Variants in MBD3 observed in about 807,000 individuals in gnomAD.
The protein encoded by MBD3 is methyl-CpG binding domain protein 3.
MBD3 carries 13 observed loss-of-function variants against 31.2 expected under a neutral mutation model. That is an observed-to-expected ratio of 0.42 (90% CI 0.27 to 0.66). The LOEUF (loss-of-function observed/expected upper bound fraction) is 0.66, where lower values mean the gene tolerates loss of function less well. MBD3 is among the 30% of genes least tolerant of loss of function. MBD3 has a pLI of 0.26. For missense variants in MBD3, 440 were observed against 426.5 expected (o/e 1.03, Z -0.28); for synonymous variants, 223 against 187.4 (o/e 1.19, Z -1.55).
At chr19:1,589,096 C>A (rs756555556) in intron 1 of MBD3, among the ~76,000 whole-genome samples, 22 of 152,120 alleles carry the variant, frequency 1.4e-4, no homozygotes, top group Admixed American at 6.5e-4. Context: ...CTTTGGGAAG[C>A]AAAGGAGGGC....
rs186862627 is a variant in MBD3 at position 1,579,306 on chromosome 19, T to C, written c.678-768A>G. Among the ~76,000 whole-genome samples the C allele has an allele frequency of 6.8e-4, 102 of 151,060 alleles. 1 individual carries two copies. The highest frequency in any genetic ancestry group is 2.2e-3 in the Admixed American group (34 of 15,160). On this transcript the variant is annotated intron_variant, in intron 5 of 6. Transcript: ENST00000434436. ...CCGCTGCCCACTATGCACCAGCGTGTACTCCTTTACCATGGCTCGGGCGGC... is the reference window on the plus strand; with the variant it reads ...CCGCTGCCCACTATGCACCAGCGTGCACTCCTTTACCATGGCTCGGGCGGC...
rs1434643630 is a variant in MBD3 at position 1,576,199 on chromosome 19, T to C, written c.*1965A>G. On this transcript the variant is annotated 3_prime_UTR_variant, in exon 7 of 7. Coordinates refer to ENST00000434436, the MANE Select transcript of MBD3 (RefSeq NM_001281453.2). ...AGAGTGTCTCTGAGTGCCGGGCAGA[T>C]GAGGGGAGGGTGGCCTCCCAGCCTT... The C allele has an allele frequency of 2.0e-5, 3 of 152,430 alleles. No individual in the cohort carries two copies. Among genetic ancestry groups the C allele is most frequent in the Non-Finnish European group, 1.5e-5 (1 of 68,300 alleles). 9.4% of individuals were successfully genotyped at this position (152,430 alleles called of 1,614,324 possible). A position where few individuals can be genotyped will look rare whatever the true frequency, so the allele number is the denominator to read the frequency against.
In MBD3 at chr19:1,583,554, A is replaced by G. The variant is rs562750156; in HGVS notation, c.409-842T>C. ...AGACTGAAAATATTTGGGGGGAAAA[A>G]AAATAAATAAATACAACAACTGGCC... On this transcript the variant is annotated intron_variant, in intron 3 of 6. Coordinates refer to ENST00000434436, the MANE Select transcript of MBD3 (RefSeq NM_001281453.2). Among the ~76,000 whole-genome samples the G allele has an allele frequency of 5.9e-5, 9 of 152,134 alleles. No homozygotes were observed. The South Asian group carries it at 1.9e-3, about 32-fold the overall frequency.
intron 5 of MBD3, among the ~76,000 whole-genome samples, chr19:1,580,174 C>T (rs1297745074): frequency 4.6e-5 from 7 of 152,240 alleles, no homozygotes; most frequent in Admixed American, 4.6e-4. Flanking sequence ...GGGAAGTTCT[C>T]TGAGCGCGCA....
intron 3 of MBD3, among the ~76,000 whole-genome samples, chr19:1,584,233 C>T (rs1234736602): frequency 6.6e-6 from 1 of 150,448 alleles, no homozygotes; most frequent in Non-Finnish European, 1.5e-5. Context: ...AAGAGGGGAC[C>T]GCAGGACTGG....
chr19:1,575,948 G>C lies in MBD3; in HGVS notation c.*2216C>G, dbSNP rs1380371411. ...CCCCGGGATCAGAGGGACTGATCGG[G>C]GTCTGTCAGTGACAGGAAGCTGGGC... On this transcript the variant is annotated 3_prime_UTR_variant, in exon 7 of 7. Transcript: ENST00000434436. 6.6e-6 allele frequency: 1 copy of C among 152,368 alleles called. No homozygotes were observed. Among genetic ancestry groups the C allele is most frequent in the African/African-American group, 2.4e-5 (1 of 41,442 alleles). 9.4% of individuals were successfully genotyped at this position (152,368 alleles called of 1,614,324 possible).
chr19:1,577,933 G>A lies in MBD3; in HGVS notation c.*231C>T, dbSNP rs185110286. 4.8e-3 allele frequency: 1,307 copies of A among 273,598 alleles called. 21 individuals are homozygous for A. The highest frequency in any genetic ancestry group is 0.028 in the African/African-American group (1,259 of 45,444). The allele number at this position is 273,598 out of a possible 1,614,324, so 16.9% of individuals were successfully genotyped here. A position where few individuals can be genotyped will look rare whatever the true frequency, so the allele number is the denominator to read the frequency against. ...GGAGCACCCGGCACTTCCCGAAGCC[G>A]GACTCTGTAGAGGACGAGCGTGGAG... On this transcript the variant is annotated 3_prime_UTR_variant, in exon 7 of 7. Transcript: ENST00000434436.
At chr19:1,586,590 C>A (rs926099616) in intron 1 of MBD3, among the ~76,000 whole-genome samples, 1 of 151,902 alleles carries the variant, frequency 6.6e-6, no homozygotes. Context: ...CTCACTGCAA[C>A]CTTGAACTCC....
In MBD3 at chr19:1,585,307, C is replaced by T. The variant is rs2060674064; in HGVS notation, c.111-93G>A. On this transcript the variant is annotated intron_variant, in intron 1 of 6. Transcript: ENST00000434436. This position sits in a 1 kb window ranked among gnomAD's most constrained non-coding sequence, Gnocchi z 4.1. ...GACCCAAACCCAGTCCCAGCCCCAG[C>T]TTCAGGTCGCGACCCCAGCCCCAGA... is the stretch of plus-strand genomic sequence containing the variant. 3 of 1,417,932 alleles carry T rather than the reference C, an allele frequency of 2.1e-6. No individual in the cohort carries two copies. In the Admixed American group the frequency reaches 6.2e-5, roughly 29 times the overall value. The allele number at this position is 1,417,932 out of a possible 1,614,324, so 87.8% of individuals were successfully genotyped here.
At chr19:1,591,285 T>C (rs1398827082) in intron 1 of MBD3, among the ~76,000 whole-genome samples, 2 of 152,166 alleles carry the variant, frequency 1.3e-5, no homozygotes, top group African/African-American at 4.8e-5. Context: ...TCTCTTGCTG[T>C]CCTCCAACTT....
At chr19:1,590,795 C>T (rs2060700093) in intron 1 of MBD3, among the ~76,000 whole-genome samples, 1 of 152,196 alleles carries the variant, frequency 6.6e-6, no homozygotes, top group Admixed American at 6.5e-5. Context: ...TCTCCCCAGG[C>T]ACCCCCAACA....
At position 1,577,209 on chromosome 19, in the gene MBD3, G is replaced by A. The variant is rs1053151; in HGVS notation, c.*955C>T. On this transcript the variant is annotated 3_prime_UTR_variant, in exon 7 of 7. Coordinates refer to ENST00000434436, the MANE Select transcript of MBD3 (RefSeq NM_001281453.2). ...CAGGGACTGGCCGCAGAGTCCACTC[G>A]GGGCAGGCGTCTGTGGCTTGGAACC... 75,742 of 152,342 alleles carry A rather than the reference G, an allele frequency of 0.5. 20,422 individuals carry two copies. Among genetic ancestry groups the A allele is most frequent in the African/African-American group, 0.71 (29,477 of 41,548 alleles). The allele number at this position is 152,342 out of a possible 1,614,324, so 9.4% of individuals were successfully genotyped here.
rs866830739 is a variant in MBD3, at chr19:1,588,802, G to A, written c.111-3588C>T. Among the ~76,000 whole-genome samples the A allele has an allele frequency of 3.7e-3, 455 of 121,860 alleles. 3 individuals are homozygous for A. Among genetic ancestry groups the A allele is most frequent in the African/African-American group, 0.013 (420 of 32,260 alleles). 79.9% of individuals were successfully genotyped at this position (121,860 alleles called of 152,430 possible). A position where few individuals can be genotyped will look rare whatever the true frequency, so the allele number is the denominator to read the frequency against. On this transcript the variant is annotated intron_variant, in intron 1 of 6. Transcript: ENST00000434436. Reference sequence around the variant, plus strand: ...TCCAAAAAAAAAAAAAAAAAAAAAAGGTGTAAGGCGAACAAGAGACACACA... The same window carrying A: ...TCCAAAAAAAAAAAAAAAAAAAAAAAGTGTAAGGCGAACAAGAGACACACA...
At chr19:1,579,094 G>A (rs947346946) in intron 5 of MBD3, among the ~76,000 whole-genome samples, 13 of 141,708 alleles carry the variant, frequency 9.2e-5, no homozygotes, top group Admixed American at 7.1e-4. Flanking sequence ...TGAGGCAGGA[G>A]AATCACTTGA....
intron 1 of MBD3, among the ~76,000 whole-genome samples, chr19:1,591,482 C>T (rs2060703308): frequency 6.6e-6 from 1 of 152,042 alleles, no homozygotes; most frequent in Non-Finnish European, 1.5e-5. Context: ...CTCGTGGAAA[C>T]CACCCGCCCT....
In MBD3 at chr19:1,584,539, C is replaced by A; in HGVS notation, c.408+1G>T. 1 of 1,613,192 alleles carries A rather than the reference C, an allele frequency of 6.2e-7. No homozygotes were observed. The highest frequency in any genetic ancestry group is 8.5e-7 in the Non-Finnish European group (1 of 1,179,816). The stretch of plus-strand genomic sequence containing the variant: ...CTGGGGTCGCTGTGCGTTGAGCTCA[C>A]CTGGCGCGGCTGGTCCACCGCCTTC... On this transcript the variant is annotated splice_donor_variant, in intron 3 of 6. Transcript: ENST00000434436. LOFTEE classifies it high-confidence loss of function.
Position 1,585,121 on chromosome 19 carries a change from C to T in MBD3, c.204G>A (p.Lys68=). 6.2e-7 allele frequency: 1 copy of T among 1,612,484 alleles called. No individual in the cohort carries two copies. Among genetic ancestry groups the T allele is most frequent in the Non-Finnish European group, 8.5e-7 (1 of 1,179,508 alleles). ...DLSTFDFRTG[K]MLMSKMNKSR... ...TCTTGTTCATCTTGCTCATCAGCATCTTGCCCGTGCGGAAGTCGAAGGTGC... is the reference window on the plus strand; with the variant it reads ...TCTTGTTCATCTTGCTCATCAGCATTTTGCCCGTGCGGAAGTCGAAGGTGC... Residue 68 remains lysine, a synonymous_variant, in exon 2 of 7, where the codon AAG becomes AAA. Transcript: ENST00000434436. The surrounding 1 kb of genome is among the most constrained non-coding windows in gnomAD (Gnocchi z 4.1).
rs2060676056 is a variant in MBD3, at chr19:1,585,692, A to G, written c.111-478T>C. 6.6e-6 allele frequency among the ~76,000 whole-genome samples: 1 copy of G among 152,212 alleles called. No individual in the cohort carries two copies. Among genetic ancestry groups the G allele is most frequent in the South Asian group, 2.1e-4 (1 of 4,832 alleles). ...CTCACATGTCCAGAACATTCCAGAC[A>G]TGGAATTTAGGTCACATTCTTGAGA... On this transcript the variant is annotated intron_variant, in intron 1 of 6. Coordinates refer to ENST00000434436, the MANE Select transcript of MBD3 (RefSeq NM_001281453.2). The surrounding 1 kb of genome is among the most constrained non-coding windows in gnomAD (Gnocchi z 4.1).
chr19:1,576,454 T>A lies in MBD3; in HGVS notation c.*1710A>T, dbSNP rs770391776. 1 of 152,254 alleles carries A rather than the reference T, an allele frequency of 6.6e-6. No individual in the cohort carries two copies. Among genetic ancestry groups the A allele is most frequent in the Non-Finnish European group, 1.5e-5 (1 of 68,108 alleles). 9.4% of individuals were successfully genotyped at this position (152,254 alleles called of 1,614,324 possible). A position where few individuals can be genotyped will look rare whatever the true frequency, so the allele number is the denominator to read the frequency against. Reference sequence around the variant, plus strand: ...GGGCCAAGACCCACGATCCCTAGGCTGAGCCAGCGGCACCTCAGGGGGCAC... The same window carrying A: ...GGGCCAAGACCCACGATCCCTAGGCAGAGCCAGCGGCACCTCAGGGGGCAC... On this transcript the variant is annotated 3_prime_UTR_variant, in exon 7 of 7. Coordinates refer to ENST00000434436, the MANE Select transcript of MBD3 (RefSeq NM_001281453.2).
Sources: allele counts gnomAD v4.1 joint callset (sites outside exome capture counted in the v4.1 genomes callset), GRCh38; gene constraint gnomAD v4.1.1; non-coding constraint Gnocchi (gnomAD v3.1); transcripts MANE v1.5; gene names NCBI Gene and HGNC (gene_info 2026-07-23, HGNC 2026-07-21).